The following MALL variants were observed in gnomAD, a reference collection of about 807,000 sequenced individuals.
MALL encodes the protein MAL-like protein.
A neutral mutation model predicts 10.3 loss-of-function variants in MALL; 2 were observed. The ratio of observed to expected loss-of-function variants is 0.19; its 90% CI spans 0.08 to 0.61. MALL has a LOEUF of 0.61. Among genes scored for constraint, MALL ranks in the 20% least tolerant of loss-of-function variants. MALL has a pLI of 0.88. For synonymous variants in MALL, 27 were observed against 51.8 expected (o/e 0.52, Z 2.05); for missense variants, 39 against 115.2 (o/e 0.34, Z 3.03).
intron 1 of MALL, among the ~76,000 whole-genome samples, chr2:110,105,008 T>A (rs1678658475): frequency 6.6e-6 from 1 of 152,240 alleles, no homozygotes; most frequent in Non-Finnish European, 1.5e-5. Context: ...GAGCACTCAC[T>A]CACCATGTCC....
chr2:110,106,729 A>G (rs1678704780), intron 1 of MALL, among the ~76,000 whole-genome samples: 1 of 152,136 alleles, frequency 6.6e-6, no homozygotes, highest in South Asian at 2.1e-4. Context: ...TCCCTGGAGA[A>G]CTGAGCATTA....
chr2:110,116,507 G>A (rs1678925597), upstream of MALL: 1 of 152,328 alleles, frequency 6.6e-6, no homozygotes, highest in Non-Finnish European at 1.5e-5. Flanking sequence ...CAGTCTCTGG[G>A]AGAGGACCAC....
At chr2:110,109,711 A>G (rs1258326471) in intron 1 of MALL, among the ~76,000 whole-genome samples, 1 of 152,162 alleles carries the variant, frequency 6.6e-6, no homozygotes, top group Admixed American at 6.5e-5. Context: ...CTTAACAGAA[A>G]TGAAACAGGA....
intron 1 of MALL, among the ~76,000 whole-genome samples, chr2:110,095,787 G>T (rs1392747935): frequency 3.3e-5 from 5 of 152,024 alleles, no homozygotes; most frequent in African/African-American, 1.2e-4. Context: ...GTTTGGAGAG[G>T]GAGGTTGAGC....
At chr2:110,111,004 G>A (rs1262773401) in intron 1 of MALL, among the ~76,000 whole-genome samples, 3 of 152,050 alleles carry the variant, frequency 2.0e-5, no homozygotes, top group Non-Finnish European at 4.4e-5. Flanking sequence ...AAAAACATTT[G>A]AAAAAATCCA....
chr2:110,112,640 G>A (rs906254083), intron 1 of MALL, among the ~76,000 whole-genome samples: 1 of 152,046 alleles, frequency 6.6e-6, no homozygotes, highest in Non-Finnish European at 1.5e-5. Context: ...TGGTGGGAAT[G>A]TAAACTAGTA....
rs1678510690 is a variant in MALL at position 110,099,228 on chromosome 2, G to A, written c.106-7458C>T. Among the ~76,000 whole-genome samples, 6 of 152,160 alleles carry A rather than the reference G, an allele frequency of 3.9e-5. No homozygotes were observed. The South Asian group carries it at 1.2e-3, about 32-fold the overall frequency. ...TCGAAAAGGACACCTTACAGCACGA[G>A]AACTCAAACAGGAAGGCAGAGCGTC... On this transcript the variant is annotated intron_variant, in intron 1 of 3. Transcript: ENST00000272462.
chr2:110,115,613 C>A, intron 1 of MALL, 75 bp downstream of exon 1: 1 of 804,640 alleles, frequency 1.2e-6, no homozygotes, highest in Non-Finnish European at 1.7e-6. Flanking sequence ...TCTCTCTTCT[C>A]GGTCCGGTCT....
intron 1 of MALL, among the ~76,000 whole-genome samples, chr2:110,095,586 A>G (rs1467425478): frequency 1.3e-5 from 2 of 152,096 alleles, no homozygotes; most frequent in African/African-American, 4.8e-5. Context: ...AAAATTTCCA[A>G]CTAAAAAAAA....
chr2:110,109,675 A>T (rs116057875), intron 1 of MALL, among the ~76,000 whole-genome samples: 2,032 of 152,276 alleles, frequency 0.013, 51 homozygotes, highest in African/African-American at 0.046. Context: ...GAAACAATGG[A>T]TTTAAACTAC....
Position 110,115,754 on chromosome 2 carries a change from C to G in MALL, c.39G>C (p.Pro13=). 1 of 1,289,216 alleles carries G rather than the reference C, an allele frequency of 7.8e-7. No individual in the cohort carries two copies. Among genetic ancestry groups the G allele is most frequent in the South Asian group, 3.6e-5 (1 of 27,952 alleles). The allele number at this position is 1,289,216 out of a possible 1,614,324, so 79.9% of individuals were successfully genotyped here. Residue 13 remains proline (P), a synonymous_variant, in exon 1 of 4, where the codon CCG becomes CCC. Coordinates refer to ENST00000272462, the MANE Select transcript of MALL (RefSeq NM_005434.5). The part of the protein sequence containing the change: ...SPDPPATSYA[P]SDVPSGVALF... ...GCGCGACCCCCGAGGGCACGTCGGA[C>G]GGGGCGTAGCTGGTGGCGGGCGGGT...
At chr2:110,100,813 G>A (rs555048375) in intron 1 of MALL, among the ~76,000 whole-genome samples, 9 of 152,334 alleles carry the variant, frequency 5.9e-5, no homozygotes, top group Non-Finnish European at 1.0e-4. Context: ...GGGGGTCTGG[G>A]TGGGAGTGGG....
rs545299823 is a variant in MALL, at chr2:110,115,543, C to A, written c.105+145G>T. 8.5e-4 allele frequency: 370 copies of A among 433,138 alleles called. 4 individuals are homozygous for A. In the East Asian group the frequency reaches 8.7e-3, roughly 10 times the overall value. 26.8% of individuals were successfully genotyped at this position (433,138 alleles called of 1,614,324 possible). A position where few individuals can be genotyped will look rare whatever the true frequency, so the allele number is the denominator to read the frequency against. On this transcript the variant is annotated intron_variant, in intron 1 of 3. Coordinates refer to ENST00000272462, the MANE Select transcript of MALL (RefSeq NM_005434.5). ...TGGGTCCGAGGCCGGTCTCCCCCCC[C>A]CTCTCTGCAGGTGGCCCCTGTGCTT...
At chr2:110,115,829 C>T (rs1357628949), upstream of MALL, 22 of 1,027,158 alleles carry the variant, frequency 2.1e-5, no homozygotes, top group Non-Finnish European at 2.8e-5. Flanking sequence ...CGGCAGCTCG[C>T]CCGCGCGCAG....
At chr2:110,107,076 G>A (rs1458925845) in intron 1 of MALL, among the ~76,000 whole-genome samples, 1 of 151,262 alleles carries the variant, frequency 6.6e-6, no homozygotes, top group Non-Finnish European at 1.5e-5. Flanking sequence ...GGGTGAGGGA[G>A]GGCAGGGTAG....
At chr2:110,096,758 A>T (rs1465602106) in intron 1 of MALL, among the ~76,000 whole-genome samples, 1 of 150,274 alleles carries the variant, frequency 6.7e-6, no homozygotes, top group Non-Finnish European at 1.5e-5. Context: ...TTGCCTACGA[A>T]TCTGGGGACT....
chr2:110,100,336 G>C (rs560421458), intron 1 of MALL, among the ~76,000 whole-genome samples: 5 of 152,124 alleles, frequency 3.3e-5, no homozygotes, highest in Admixed American at 3.3e-4. Flanking sequence ...AAAAAATTAA[G>C]TGATCACACC....
intron 1 of MALL, among the ~76,000 whole-genome samples, chr2:110,107,306 C>T (rs1377015807): frequency 6.6e-6 from 1 of 152,116 alleles, no homozygotes; most frequent in African/African-American, 2.4e-5. Flanking sequence ...AGTTTTCAAA[C>T]CCATCTTGCC....
intron 1 of MALL, among the ~76,000 whole-genome samples, chr2:110,113,384 G>A (rs1446388983): frequency 7.2e-6 from 1 of 139,516 alleles, no homozygotes; most frequent in Non-Finnish European, 1.5e-5. Flanking sequence ...CTTGCAGTGA[G>A]CCAAGATCGC....
Sources: gnomAD v4.1 joint callset for allele counts (sites outside exome capture counted in the v4.1 genomes callset) on GRCh38, gnomAD v4.1.1 for gene constraint, MANE v1.5 for transcripts, NCBI Gene and HGNC (gene_info 2026-07-23, HGNC 2026-07-21) for gene names.